The following THSD7B variants were observed in gnomAD, a reference collection of about 807,000 sequenced individuals.
THSD7B encodes the protein thrombospondin type 1 domain containing 7B.
A neutral mutation model predicts 213.6 loss-of-function variants in THSD7B; 138 were observed. The ratio of observed to expected loss-of-function variants is 0.65; its 90% confidence interval spans 0.56 to 0.74. The LOEUF (loss-of-function observed/expected upper bound fraction) is 0.74. Ranked by LOEUF, THSD7B falls within the 30% of genes least tolerant of loss-of-function variation. The pLI, the probability that THSD7B is intolerant of heterozygous loss-of-function variation, is 0.00. For synonymous variants in THSD7B, 742 were observed against 687.0 expected (o/e 1.08, Z -1.25); for missense variants, 1,931 against 1,991.5 (o/e 0.97, Z 0.58).
At chr2:137,603,238 A>T (rs1439630994) in intron 17 of THSD7B, among the ~76,000 whole-genome samples, 1 of 152,236 alleles carries the variant, frequency 6.6e-6, no homozygotes, top group Admixed American at 6.5e-5. Flanking sequence ...AGCTTATCTC[A>T]CTTCATTGCC....
chr2:137,143,514 G>C (rs1343849096), intron 5 of THSD7B, among the ~76,000 whole-genome samples: 1 of 152,242 alleles, frequency 6.6e-6, no homozygotes, highest in South Asian at 2.1e-4. Flanking sequence ...CTGTGTTAAG[G>C]AGATACTTTC....
intron 11 of THSD7B, 87 bp from the exon 12 acceptor site, chr2:137,275,835 CT>C: frequency 4.0e-6 from 4 of 1,009,970 alleles, no homozygotes; most frequent in Non-Finnish European, 5.8e-6. Context: ...ACTGTCTTTA[CT>C]TTTTTTAAAC....
Position 137,645,665 on chromosome 2 carries a change from T to C in THSD7B, c.3945+3032T>C, listed in dbSNP as rs548335894. Among the ~76,000 whole-genome samples the C allele has an allele frequency of 2.8e-4, 36 of 129,854 alleles. No individual in the cohort carries two copies. In the East Asian group the frequency reaches 3.8e-3, roughly 14 times the overall value. The allele number at this position is 129,854 out of a possible 152,430, so 85.2% of individuals were successfully genotyped here. A position where few individuals can be genotyped will look rare whatever the true frequency, so the allele number is the denominator to read the frequency against. ...TGTTATTTCTTCACACTCTGTCTCA[T>C]GGTGTGTAAAAAAAAAAAAAACCAC... is the stretch of plus-strand genomic sequence containing the variant. On this transcript the variant is annotated intron_variant, in intron 21 of 27. Transcript: ENST00000409968.
intron 1 of THSD7B, among the ~76,000 whole-genome samples, chr2:136,851,188 C>T (rs755739188): frequency 6.6e-5 from 10 of 151,950 alleles, no homozygotes; most frequent in Non-Finnish European, 1.0e-4. Flanking sequence ...TTTGAGGATT[C>T]GTATATTTCC....
intron 1 of THSD7B, among the ~76,000 whole-genome samples, chr2:136,840,922 T>A (rs1682910657): frequency 6.6e-6 from 1 of 151,998 alleles, no homozygotes; most frequent in African/African-American, 2.4e-5. Context: ...GATTCCAGAT[T>A]TTTTGGTTTG....
chr2:137,426,845 A>C (rs1256758444), intron 14 of THSD7B, among the ~76,000 whole-genome samples: 1 of 152,164 alleles, frequency 6.6e-6, no homozygotes, highest in Non-Finnish European at 1.5e-5. Context: ...ACCATCAATA[A>C]AATGAAGAGG....
chr2:137,412,147 T>G (rs1368581824), intron 14 of THSD7B, among the ~76,000 whole-genome samples: 1 of 152,148 alleles, frequency 6.6e-6, no homozygotes, highest in Non-Finnish European at 1.5e-5. Context: ...TCAGCACTGC[T>G]GCTCCACTTC....
At chr2:136,776,099 T>TA (rs1306067200) in intron 1 of THSD7B, among the ~76,000 whole-genome samples, 2 of 152,060 alleles carry the variant, frequency 1.3e-5, no homozygotes, top group Admixed American at 6.6e-5. Flanking sequence ...ACAGAGTTTT[T>TA]ATGGAGTTAG....
intron 17 of THSD7B, among the ~76,000 whole-genome samples, chr2:137,595,058 G>T (rs560226477): frequency 6.6e-6 from 1 of 151,856 alleles, no homozygotes; most frequent in South Asian, 2.1e-4. Context: ...ACCTTATATG[G>T]CACTACTATG....
intron 12 of THSD7B, among the ~76,000 whole-genome samples, chr2:137,380,557 G>A (rs890485361): frequency 1.3e-5 from 2 of 152,230 alleles, no homozygotes; most frequent in African/African-American, 4.8e-5. Flanking sequence ...GGAAAGGGAT[G>A]TGAAGACACT....
chr2:137,078,307 G>C (rs905722477), intron 3 of THSD7B, among the ~76,000 whole-genome samples: 4 of 151,950 alleles, frequency 2.6e-5, no homozygotes, highest in Admixed American at 2.0e-4. Context: ...TTGGCAATGT[G>C]GACTCTTTTT....
intron 15 of THSD7B, chr2:137,452,065 T>G: frequency 1.1e-6 from 1 of 946,592 alleles, no homozygotes; most frequent in Non-Finnish European, 1.3e-6. Flanking sequence ...ATGTATCAAT[T>G]CAAGACCAAT....
At chr2:137,525,782 G>A (rs1018040530) in intron 15 of THSD7B, among the ~76,000 whole-genome samples, 18 of 152,114 alleles carry the variant, frequency 1.2e-4, no homozygotes, top group Admixed American at 3.9e-4. Flanking sequence ...ATTTATAAGT[G>A]TTTAATGAGT....
At chr2:137,320,637 A>C (rs1296447633) in intron 12 of THSD7B, among the ~76,000 whole-genome samples, 1 of 152,220 alleles carries the variant, frequency 6.6e-6, no homozygotes, top group Non-Finnish European at 1.5e-5. Flanking sequence ...TGGAATAATA[A>C]GTTTTATTGT....
At chr2:137,176,395 T>G (rs1285879367) in intron 7 of THSD7B, among the ~76,000 whole-genome samples, 1 of 152,198 alleles carries the variant, frequency 6.6e-6, no homozygotes, top group Non-Finnish European at 1.5e-5. Flanking sequence ...TATCAATTTT[T>G]TATTTGTGTA....
chr2:137,121,895 A>T (rs1437715352), intron 5 of THSD7B, among the ~76,000 whole-genome samples: 2 of 152,206 alleles, frequency 1.3e-5, no homozygotes, highest in Non-Finnish European at 2.9e-5. Flanking sequence ...CCAGACCAAA[A>T]TTGTCTGCAA....
intron 12 of THSD7B, among the ~76,000 whole-genome samples, chr2:137,288,095 G>A (rs1484733393): frequency 6.6e-6 from 1 of 152,010 alleles, no homozygotes; most frequent in Non-Finnish European, 1.5e-5. Context: ...TGTAATGTTT[G>A]TACTTTTTTT....
intron 20 of THSD7B, among the ~76,000 whole-genome samples, chr2:137,626,245 G>A (rs143143000): frequency 0.017 from 2,617 of 152,170 alleles, 74 homozygotes; most frequent in African/African-American, 0.059. Flanking sequence ...GGCGGATCAC[G>A]AGGTCAGGAG....
chr2:137,343,249 C>T (rs1317442939), intron 12 of THSD7B, among the ~76,000 whole-genome samples: 2 of 151,510 alleles, frequency 1.3e-5, no homozygotes, highest in Non-Finnish European at 3.0e-5. Flanking sequence ...GCTGTGAAGA[C>T]ATCAGGTCCT....
Sources: gnomAD v4.1 joint callset for allele counts (sites outside exome capture counted in the v4.1 genomes callset) on GRCh38, gnomAD v4.1.1 for gene constraint, MANE v1.5 for transcripts, NCBI Gene and HGNC (gene_info 2026-07-23, HGNC 2026-07-21) for gene names.